ZNF737: variants seen among roughly 807,000 people sequenced by gnomAD.
ZNF737 encodes the protein zinc finger protein 737.
ZNF737 carries 13 observed loss-of-function variants against 11.7 expected under a neutral mutation model. The ratio of observed to expected loss-of-function variants is 1.11; its 90% confidence interval spans 0.73 to 1.77. The LOEUF is 1.77. Among genes scored for constraint, ZNF737 ranks in the 40% most tolerant of loss-of-function variants. The pLI is 0.00. For missense variants in ZNF737, 636 were observed against 638.0 expected (o/e 1.00, Z 0.03); for synonymous variants, 217 against 216.2 (o/e 1.00, Z -0.03).
chr19:20,530,301 C>T, the ZNF737 span, among the ~76,000 whole-genome samples: 10 of 126,184 alleles, frequency 7.9e-5, no homozygotes, highest in African/African-American at 2.1e-4. Context: ...GGCAGCTGGC[C>T]GGGCGGGGGG....
At position 20,539,748 on chromosome 19, in the gene ZNF737, A is replaced by T. The variant is rs1315866984; in HGVS notation, c.*4844T>A. On this transcript the variant is annotated 3_prime_UTR_variant, in exon 4 of 4. Coordinates refer to ENST00000427401, the MANE Select transcript of ZNF737 (RefSeq NM_001159293.2). ...ACAATTAGGTATACTTTTTGAAGTA[A>T]GTTCAATTTTAGGACATTACCCACT... 3.0e-6 allele frequency: 3 copies of T among 985,106 alleles called. No homozygotes were observed. The African/African-American group carries it at 5.2e-5, about 17-fold the overall frequency. The allele number at this position is 985,106 out of a possible 1,614,324, so 61.0% of individuals were successfully genotyped here. A position where few individuals can be genotyped will look rare whatever the true frequency, so the allele number is the denominator to read the frequency against.
intron 1 of ZNF737, among the ~76,000 whole-genome samples, chr19:20,557,764 A>G (rs923591847): frequency 2.0e-5 from 3 of 151,788 alleles, no homozygotes; most frequent in Non-Finnish European, 4.4e-5. Context: ...CTACAGGTGC[A>G]TGCCACCACG....
intron 2 of ZNF737, 93 bp from the exon 3 acceptor site, chr19:20,552,663 A>C (rs1968726672): frequency 2.6e-6 from 2 of 771,340 alleles, no homozygotes; most frequent in African/African-American, 1.9e-5. Flanking sequence ...ATAAAATATT[A>C]TAGTAAATTA....
intron 1 of ZNF737, among the ~76,000 whole-genome samples, chr19:20,556,317 T>C (rs1968887133): frequency 6.6e-6 from 1 of 152,126 alleles, no homozygotes; most frequent in Non-Finnish European, 1.5e-5. Context: ...CCCAGAACAA[T>C]AAACAGAAGC....
chr19:20,559,474 G>A (rs1969002484), intron 1 of ZNF737, among the ~76,000 whole-genome samples: 1 of 96,106 alleles, frequency 1.0e-5, no homozygotes, highest in South Asian at 3.2e-4. Flanking sequence ...ACCACATGTG[G>A]CTAAGAAGTA....
Position 20,544,103 on chromosome 19 carries a change from G to T in ZNF737, c.*489C>A. On this transcript the variant is annotated 3_prime_UTR_variant, in exon 4 of 4. Coordinates refer to ENST00000427401, the MANE Select transcript of ZNF737 (RefSeq NM_001159293.2). Reference sequence around the variant, plus strand: ...AGATCATGGCACTGTACTCCAGCTTGGATGACAAGCATGAAACTTCATCTC... The same window carrying T: ...AGATCATGGCACTGTACTCCAGCTTTGATGACAAGCATGAAACTTCATCTC... The T allele has an allele frequency of 1.0e-6, 1 of 984,452 alleles. No homozygotes were observed. Among genetic ancestry groups the T allele is most frequent in the Non-Finnish European group, 1.2e-6 (1 of 824,174 alleles). 61.0% of individuals were successfully genotyped at this position (984,452 alleles called of 1,614,324 possible). A position where few individuals can be genotyped will look rare whatever the true frequency, so the allele number is the denominator to read the frequency against.
intron 1 of ZNF737, among the ~76,000 whole-genome samples, chr19:20,562,981 C>G (rs1457723502): frequency 6.6e-6 from 1 of 151,386 alleles, no homozygotes; most frequent in Non-Finnish European, 1.5e-5. Context: ...TTGCTCCTCC[C>G]TAAAAAAGAA....
intron 1 of ZNF737, among the ~76,000 whole-genome samples, chr19:20,556,986 T>A (rs530017438): frequency 6.6e-6 from 1 of 152,344 alleles, no homozygotes; most frequent in Admixed American, 6.5e-5. Flanking sequence ...TCTGTTTCTC[T>A]CTCATCAATT....
At position 20,544,972 on chromosome 19, in the gene ZNF737, A is replaced by T. The variant is rs782061196; in HGVS notation, c.1231T>A (p.Ser411Thr). The change falls in exon 4 of 4, where the codon TCC (serine) becomes ACC (threonine). Residue 411 changes from serine to threonine, a missense_variant. Transcript: ENST00000427401. Reference sequence around the variant, plus strand: ...TGGATTATCTTATGTGTAGTAAGGGAAGAGGAGTACTTAAAGGCTTCGCCA... The same window carrying T: ...TGGATTATCTTATGTGTAGTAAGGGTAGAGGAGTACTTAAAGGCTTCGCCA... ...ECGEAFKYSS[S>T]LTTHKIIHTG... is the part of the protein sequence containing the mutation. The T allele has an allele frequency of 7.8e-5, 124 of 1,595,522 alleles. No homozygotes were observed. Among genetic ancestry groups the T allele is most frequent in the Non-Finnish European group, 8.9e-5 (105 of 1,173,486 alleles).
At chr19:20,537,509 C>CTTTTTTT (rs1172290847), downstream of ZNF737, among the ~76,000 whole-genome samples, 4 of 58,476 alleles carry the variant, frequency 6.8e-5, no homozygotes, top group African/African-American at 3.3e-4. Context: ...GCCTGGTTTT[C>CTTTTTTT]TATTTTTTTT....
intron 1 of ZNF737, among the ~76,000 whole-genome samples, chr19:20,563,486 CTTT>C (rs59511067): frequency 0.12 from 15,135 of 123,590 alleles, 880 homozygotes; most frequent in Middle Eastern, 0.19. Context: ...GAAGTGCTTA[CTTT>C]TTTTTTTTTT....
chr19:20,546,229 A>G (rs1555757046), intron 3 of ZNF737, among the ~76,000 whole-genome samples: 1 of 152,194 alleles, frequency 6.6e-6, no homozygotes, highest in African/African-American at 2.4e-5. Flanking sequence ...CACATAGAAT[A>G]AAAAGAAAAT....
At position 20,540,122 on chromosome 19, in the gene ZNF737, A is replaced by AT; in HGVS notation, c.*4469dup. ...TGGAAGCAACATGGAGGAGGCAGAA[A>AT]TGATGGCAAGATACAAACATTTTTC... On this transcript the variant is annotated 3_prime_UTR_variant, in exon 4 of 4. Coordinates refer to ENST00000427401, the MANE Select transcript of ZNF737 (RefSeq NM_001159293.2). 1.0e-6 allele frequency: 1 copy of AT among 985,390 alleles called. No individual in the cohort carries two copies. Among genetic ancestry groups the AT allele is most frequent in the Non-Finnish European group, 1.2e-6 (1 of 829,926 alleles). The allele number at this position is 985,390 out of a possible 1,614,324, so 61.0% of individuals were successfully genotyped here.
rs573013904 is a variant in ZNF737 at position 20,543,171 on chromosome 19, ACTCT to A, written c.*1417_*1420del. 7 of 971,852 alleles carry A rather than the reference ACTCT, an allele frequency of 7.2e-6. No individual in the cohort carries two copies. The Admixed American group carries it at 1.9e-4, about 26-fold the overall frequency. The allele number at this position is 971,852 out of a possible 1,614,324, so 60.2% of individuals were successfully genotyped here. ...TCTGCAAAATTATATTTTAGCATAA[ACTCT>A]CTGTTGTTTTCTAAGCTGTAGTTTC... On this transcript the variant is annotated 3_prime_UTR_variant, in exon 4 of 4. Transcript: ENST00000427401.
downstream of ZNF737, among the ~76,000 whole-genome samples, chr19:20,537,784 G>C (rs1319621390): frequency 6.6e-6 from 1 of 151,802 alleles, no homozygotes; most frequent in African/African-American, 2.4e-5. Context: ...CAAAGTGCTG[G>C]GATTACAGGC....
chr19:20,544,140 T>C lies in ZNF737; in HGVS notation c.*452A>G. On this transcript the variant is annotated 3_prime_UTR_variant, in exon 4 of 4. Coordinates refer to ENST00000427401, the MANE Select transcript of ZNF737 (RefSeq NM_001159293.2). ...TGAAACTTCATCTCAAAAAAAAAAA[T>C]ATTGAAAACTTGTTATAGGATTTGC... The C allele has an allele frequency of 1.0e-6, 1 of 1,000,108 alleles. No homozygotes were observed. The allele number at this position is 1,000,108 out of a possible 1,614,324, so 62.0% of individuals were successfully genotyped here.
In ZNF737 at chr19:20,565,469, T is replaced by C. The variant is rs192713208; in HGVS notation, c.3+169A>G. Among the ~76,000 whole-genome samples, 441 of 152,264 alleles carry C rather than the reference T, an allele frequency of 2.9e-3. 7 individuals carry two copies. Among genetic ancestry groups the C allele is most frequent in the Admixed American group, 0.027 (409 of 15,304 alleles). On this transcript the variant is annotated intron_variant, in intron 1 of 3. Transcript: ENST00000427401. ...ACGCCAGGGGGCCCGGCTGTCAGCG[T>C]AGCCGCCAAATTATGGCTGAACGGG...
chr19:20,545,373 A>C lies in ZNF737; in HGVS notation c.830T>G (p.Ile277Arg), dbSNP rs782531154. The C allele has an allele frequency of 3.7e-5, 59 of 1,608,562 alleles. No homozygotes were observed. The highest frequency in any genetic ancestry group is 4.8e-5 in the Non-Finnish European group (57 of 1,177,442). ...GTAGGGTTTCTCTCCAGTATGAATT[A>C]TCTTATGTGTAGTAAGGTTAGAGGA... is the stretch of plus-strand genomic sequence containing the variant. Reference protein sequence around the residue: ...KRSSNLTTHKIIHTGEKPYKC... With the variant: ...KRSSNLTTHKRIHTGEKPYKC... Residue 277 changes from isoleucine to arginine, a missense_variant, in exon 4 of 4, where the codon ATA becomes AGA. Transcript: ENST00000427401.
In ZNF737 at chr19:20,545,584, C is replaced by G; in HGVS notation, c.619G>C (p.Gly207Arg). ...TGTGAGGACCAGTTGAAGGCTTTGCCACATTCTTCACATTTGAAGGGTTTC... is the reference window on the plus strand; with the variant it reads ...TGTGAGGACCAGTTGAAGGCTTTGCGACATTCTTCACATTTGAAGGGTTTC... ...GEKPFKCEEC[G>R]KAFNWSSHLT... is the part of the protein sequence containing the mutation. The change falls in exon 4 of 4, where the codon GGC (glycine) becomes CGC (arginine). Residue 207 changes from glycine (G) to arginine (R), a missense_variant. By Grantham distance (125) the Gly-to-Arg change is moderately radical. Transcript: ENST00000427401. 1.4e-5 allele frequency: 22 copies of G among 1,613,902 alleles called. No homozygotes were observed. The highest frequency in any genetic ancestry group is 1.9e-5 in the Non-Finnish European group (22 of 1,179,910).
Sources: gnomAD v4.1 joint callset for allele counts (sites outside exome capture counted in the v4.1 genomes callset) on GRCh38, gnomAD v4.1.1 for gene constraint, MANE v1.5 for transcripts, NCBI Gene and HGNC (gene_info 2026-07-23, HGNC 2026-07-21) for gene names.